ZC3H12C: variants seen among roughly 807,000 people sequenced by gnomAD.
The protein encoded by ZC3H12C is probable ribonuclease ZC3H12C.
Under a neutral mutation model 76.3 loss-of-function variants are expected in ZC3H12C, and 20 were observed. The observed-to-expected ratio is 0.26, with a 90% CI of 0.18 to 0.38. The LOEUF (loss-of-function observed/expected upper bound fraction) is 0.38, where lower values mean the gene tolerates loss of function less well. Ranked by LOEUF, ZC3H12C falls within the 10% of genes least tolerant of loss-of-function variation. ZC3H12C has a pLI of 1.00. For synonymous variants in ZC3H12C, 352 were observed against 399.6 expected, an observed-to-expected ratio of 0.88 and a Z score of 1.42; for missense variants, 874 against 1,086.5, an observed-to-expected ratio of 0.80 and a Z score of 2.75.
intron 3 of ZC3H12C, among the ~76,000 whole-genome samples, chr11:110,154,399 A>G (rs1445727448): frequency 6.6e-6 from 1 of 152,000 alleles, no homozygotes; most frequent in Non-Finnish European, 1.5e-5. Flanking sequence ...GTTTTTATGT[A>G]TAATTATTAC....
intron 1 of ZC3H12C, 82 bp downstream of exon 1, chr11:110,093,514 G>C (rs1312010477): frequency 8.4e-6 from 9 of 1,066,826 alleles, no homozygotes; most frequent in Non-Finnish European, 1.1e-5. Context: ...AGGGCCGCGG[G>C]GCCGCGCCCG....
intron 1 of ZC3H12C, among the ~76,000 whole-genome samples, chr11:110,099,293 G>T (rs1861170104): frequency 6.6e-6 from 1 of 152,082 alleles, no homozygotes; most frequent in Non-Finnish European, 1.5e-5. Context: ...ATGCCAAAAA[G>T]CTTTTCAGAA....
At chr11:110,121,961 T>C (rs1182352931) in intron 1 of ZC3H12C, among the ~76,000 whole-genome samples, 2 of 152,250 alleles carry the variant, frequency 1.3e-5, no homozygotes, top group East Asian at 3.8e-4. Flanking sequence ...CCTAAACACA[T>C]AACTCTGTTT....
At chr11:110,128,889 C>CA (rs145436449) in intron 1 of ZC3H12C, among the ~76,000 whole-genome samples, 4,389 of 94,112 alleles carry the variant, frequency 0.047, 94 homozygotes, top group Non-Finnish European at 0.075. Context: ...CCACCACTAA[C>CA]AAAAAAAAAA....
At chr11:110,163,527 A>G in intron 5 of ZC3H12C, 148 bp downstream of exon 5, 2 of 572,898 alleles carry the variant, frequency 3.5e-6, no homozygotes, top group South Asian at 3.2e-5. Flanking sequence ...CGTCTTAGCC[A>G]TGAAAAAGAA....
rs116805513 is a variant in ZC3H12C, at chr11:110,164,272, A to G, written c.1256-69A>G. ...GTTGTCTCTTCTACAAGTTAAAATC[A>G]TAGGGCCAAACTGAGTTTTCAGGAT... On this transcript the variant is annotated intron_variant, in intron 5 of 5. Transcript: ENST00000278590. This position sits in a 1 kb window ranked among gnomAD's most constrained non-coding sequence, Gnocchi z 5.7. The G allele has an allele frequency of 1.2e-3, 1,718 of 1,387,206 alleles. 14 individuals carry two copies. The African/African-American group carries it at 0.022, about 18-fold the overall frequency. The allele number at this position is 1,387,206 out of a possible 1,614,324, so 85.9% of individuals were successfully genotyped here.
chr11:110,146,144 G>A (rs1022982672), intron 2 of ZC3H12C, among the ~76,000 whole-genome samples: 1 of 152,066 alleles, frequency 6.6e-6, no homozygotes, highest in South Asian at 2.1e-4. Context: ...CCGCCACCAC[G>A]CCCGGCTAAT....
chr11:110,116,152 T>C (rs1011718550), intron 1 of ZC3H12C, among the ~76,000 whole-genome samples: 2 of 152,190 alleles, frequency 1.3e-5, no homozygotes, highest in Admixed American at 6.5e-5. Context: ...CCCTCTTGCC[T>C]TCACTCCTGC....
At chr11:110,111,290 T>C (rs1861422579) in intron 1 of ZC3H12C, among the ~76,000 whole-genome samples, 1 of 152,212 alleles carries the variant, frequency 6.6e-6, no homozygotes, top group African/African-American at 2.4e-5. Context: ...ATACACCTAA[T>C]GTGAGCAGGA....
Position 110,164,130 on chromosome 11 carries a change from T to A in ZC3H12C, c.1256-211T>A, listed in dbSNP as rs993008947. Among the ~76,000 whole-genome samples the A allele has an allele frequency of 6.6e-6, 1 of 151,960 alleles. No individual in the cohort carries two copies. The highest frequency in any genetic ancestry group is 2.4e-5 in the African/African-American group (1 of 41,362). On this transcript the variant is annotated intron_variant, in intron 5 of 5. Coordinates refer to ENST00000278590, the MANE Select transcript of ZC3H12C (RefSeq NM_033390.2). This position sits in a 1 kb window ranked among gnomAD's most constrained non-coding sequence, Gnocchi z 5.7. ...AAAAAAAAAGTTCTGGAGGTGATTATTACTCATTCGGCCAACTTCCTCCTG... is the reference window on the plus strand; with the variant it reads ...AAAAAAAAAGTTCTGGAGGTGATTAATACTCATTCGGCCAACTTCCTCCTG...
At position 110,165,351 on chromosome 11, in the gene ZC3H12C, C is replaced by T; in HGVS notation, c.2266C>T (p.Leu756Phe). ...TRIDSISDSR[L>F]YDSSPSRQRK... ...AATAGACAGCATCTCTGACTCTCGA[C>T]TTTATGACAGTTCTCCTTCACGACA... Residue 756 changes from leucine to phenylalanine, a missense_variant, in exon 6 of 6, where the codon CTT becomes TTT. This residue lies in a region of ZC3H12C where 395 missense variants were observed against 434.4 expected (regional missense o/e 0.91). Transcript: ENST00000278590. The T allele has an allele frequency of 6.2e-7, 1 of 1,614,032 alleles. No homozygotes were observed. The highest frequency in any genetic ancestry group is 1.7e-5 in the Admixed American group (1 of 60,020).
Position 110,165,509 on chromosome 11 carries a change from C to T in ZC3H12C, c.2424C>T (p.Thr808=), listed in dbSNP as rs61900198. 6.2e-7 allele frequency: 1 copy of T among 1,614,004 alleles called. No homozygotes were observed. Among genetic ancestry groups the T allele is most frequent in the African/African-American group, 1.3e-5 (1 of 75,056 alleles). The change falls in exon 6 of 6, where the codon ACC becomes ACT. Residue 808 remains threonine (T), a synonymous_variant. Coordinates refer to ENST00000278590, the MANE Select transcript of ZC3H12C (RefSeq NM_033390.2). ...NSTQPCYEQF[T]FQSLPEQQEP... ...CACAGCCGTGTTATGAGCAGTTCAC[C>T]TTCCAGAGCCTCCCTGAGCAACAGG...
intron 3 of ZC3H12C, among the ~76,000 whole-genome samples, chr11:110,157,505 G>A (rs1051057446): frequency 1.3e-5 from 2 of 150,402 alleles, no homozygotes; most frequent in African/African-American, 4.9e-5. Flanking sequence ...CGTGATCTCG[G>A]CTCACTGCAG....
In ZC3H12C at chr11:110,164,688, A is replaced by G; in HGVS notation, c.1603A>G (p.Thr535Ala). ...PATSTAKPQSTTSLSNGLPSG... is the reference protein window; with the variant it reads ...PATSTAKPQSATSLSNGLPSG... ...TACTTCTACTGCAAAACCCCAAAGC[A>G]CTACATCTTTAAGCAATGGCCTTCC... Residue 535 changes from threonine (T) to alanine (A), a missense_variant, in exon 6 of 6, where the codon ACT becomes GCT. Physicochemically the swap from Thr to Ala is moderately conservative, Grantham distance 58 (BLOSUM62 0). Transcript: ENST00000278590. The surrounding 1 kb of genome is among the most constrained non-coding windows in gnomAD (Gnocchi z 5.7). The G allele has an allele frequency of 6.2e-7, 1 of 1,614,010 alleles. No individual in the cohort carries two copies. The highest frequency in any genetic ancestry group is 1.1e-5 in the South Asian group (1 of 91,076).
At chr11:110,127,929 G>C (rs1475251502) in intron 1 of ZC3H12C, among the ~76,000 whole-genome samples, 2 of 150,734 alleles carry the variant, frequency 1.3e-5, no homozygotes, top group Non-Finnish European at 2.9e-5. Flanking sequence ...ATATTAAAGA[G>C]AGTGGTCCCA....
chr11:110,155,565 G>A (rs1393355163), intron 3 of ZC3H12C, among the ~76,000 whole-genome samples: 1 of 151,886 alleles, frequency 6.6e-6, no homozygotes, highest in African/African-American at 2.4e-5. Flanking sequence ...TTCATTAGAA[G>A]AATGGTTCAA....
Position 110,164,534 on chromosome 11 carries a change from A to G in ZC3H12C, c.1449A>G (p.Lys483=). 6.2e-7 allele frequency: 1 copy of G among 1,614,004 alleles called. No individual in the cohort carries two copies. Among genetic ancestry groups the G allele is most frequent in the Non-Finnish European group, 8.5e-7 (1 of 1,179,890 alleles). The change falls in exon 6 of 6, where the codon AAA becomes AAG. Residue 483 remains lysine, a synonymous_variant. Coordinates refer to ENST00000278590, the MANE Select transcript of ZC3H12C (RefSeq NM_033390.2). The surrounding 1 kb of genome is among the most constrained non-coding windows in gnomAD (Gnocchi z 5.7). ...STKADSTSDV[K]RGAPKRQSDP... ...AGGCTGATAGCACTTCTGATGTCAA[A>G]CGAGGTGCTCCAAAGAGGCAATCAG...
intron 1 of ZC3H12C, among the ~76,000 whole-genome samples, chr11:110,117,749 TATTATATATAC>T (rs1861558929): frequency 9.6e-6 from 1 of 104,066 alleles, no homozygotes; most frequent in South Asian, 2.9e-4. Flanking sequence ...CACATATATA[TATTATATATAC>T]ACACACACAT....
chr11:110,093,531 A>AGGGCGCCG, intron 1 of ZC3H12C, 99 bp downstream of exon 1: 1 of 937,684 alleles, frequency 1.1e-6, no homozygotes, highest in Non-Finnish European at 1.3e-6. Flanking sequence ...CCCGGGCGCC[A>AGGGCGCCG]GGCGGAGGGC....
Sources: gnomAD v4.1 joint callset for allele counts (sites outside exome capture counted in the v4.1 genomes callset) on GRCh38, gnomAD v4.1.1 for gene constraint, gnomAD v4.1.1 regional missense constraint, Gnocchi (gnomAD v3.1) non-coding constraint, MANE v1.5 for transcripts, NCBI Gene and HGNC (gene_info 2026-07-23, HGNC 2026-07-21) for gene names.